The following RALGAPA2 variants were observed in gnomAD, a reference collection of about 807,000 sequenced individuals.
The protein encoded by RALGAPA2 is ral GTPase-activating protein subunit alpha-2.
Under a neutral mutation model 230.4 loss-of-function variants are expected in RALGAPA2, and 139 were observed. The observed-to-expected ratio is 0.60, with a 90% CI of 0.53 to 0.69. The LOEUF (loss-of-function observed/expected upper bound fraction) is 0.69. RALGAPA2 is among the 30% of genes least tolerant of loss of function. The pLI is 0.00. For missense variants in RALGAPA2, 2,163 were observed against 2,276.0 expected (o/e 0.95, Z 1.01); for synonymous variants, 847 against 837.8 (o/e 1.01, Z -0.19).
intron 10 of RALGAPA2, among the ~76,000 whole-genome samples, chr20:20,621,963 A>G (rs2066336948): frequency 6.6e-6 from 1 of 152,222 alleles, no homozygotes; most frequent in Non-Finnish European, 1.5e-5. Context: ...CTTAAGGTTC[A>G]TGCCACAGGA....
rs374215138 is a variant in RALGAPA2 at position 20,620,419 on chromosome 20, A to C, written c.1401+44T>G. ...TTGACTGAGCAAGTATACTTTACTA[A>C]AATATATTTACCCTCAACTCAAAAG... On this transcript the variant is annotated intron_variant, in intron 11 of 39. Coordinates refer to ENST00000202677, the MANE Select transcript of RALGAPA2 (RefSeq NM_020343.4). 282 of 1,587,742 alleles carry C rather than the reference A, an allele frequency of 1.8e-4. 1 individual carries two copies. The South Asian group carries it at 1.8e-3, about 10-fold the overall frequency.
At chr20:20,673,939 C>G (rs1043675239) in intron 3 of RALGAPA2, among the ~76,000 whole-genome samples, 5 of 152,094 alleles carry the variant, frequency 3.3e-5, no homozygotes, top group African/African-American at 9.7e-5. Flanking sequence ...TATAATCCCA[C>G]AACTTCAGGA....
At chr20:20,458,822 C>CTATATATATATAGACCTA (rs2061221116) in intron 37 of RALGAPA2, among the ~76,000 whole-genome samples, 1 of 10,684 alleles carries the variant, frequency 9.4e-5, no homozygotes, top group East Asian at 2.6e-3. Flanking sequence ...ATATATAGAC[C>CTATATATATATAGACCTA]TATATATATA....
intron 10 of RALGAPA2, among the ~76,000 whole-genome samples, chr20:20,627,896 G>C (rs2146402121): frequency 6.6e-6 from 1 of 152,286 alleles, no homozygotes; most frequent in African/African-American, 2.4e-5. Context: ...AGGCAGTAAA[G>C]GCCCCAAGGA....
intron 24 of RALGAPA2, among the ~76,000 whole-genome samples, chr20:20,540,877 T>C (rs1270104490): frequency 6.6e-6 from 1 of 152,008 alleles, no homozygotes; most frequent in Non-Finnish European, 1.5e-5. Context: ...TTAACCTATG[T>C]CTTTGGGGAT....
chr20:20,583,170 T>A lies in RALGAPA2; in HGVS notation c.2587A>T (p.Met863Leu). ...LGCTNEAELS[M>L]GPWQTCEEDP... is the part of the protein sequence containing the mutation. The stretch of plus-strand genomic sequence containing the variant: ...TCCTCACAGGTCTGCCATGGGCCCA[T>A]GGACAGCTCTGCCTCATTGGTACAG... The change falls in exon 20 of 40, where the codon ATG (methionine) becomes TTG (leucine). Residue 863 changes from methionine (M) to leucine (L), a missense_variant. Transcript: ENST00000202677. 6.2e-7 allele frequency: 1 copy of A among 1,613,618 alleles called. No homozygotes were observed. Among genetic ancestry groups the A allele is most frequent in the South Asian group, 1.1e-5 (1 of 91,070 alleles).
chr20:20,514,695 G>C, intron 31 of RALGAPA2, among the ~76,000 whole-genome samples: 1 of 152,174 alleles, frequency 6.6e-6, no homozygotes, highest in Non-Finnish European at 1.5e-5. Context: ...TGGTGAAGTG[G>C]GGTCCTCTCC....
intron 1 of RALGAPA2, among the ~76,000 whole-genome samples, chr20:20,703,035 T>C (rs1468278570): frequency 6.6e-6 from 1 of 152,046 alleles, no homozygotes; most frequent in East Asian, 1.9e-4. Flanking sequence ...TAGCCAGGCA[T>C]GGTGGCACAA....
At chr20:20,462,065 AG>A (rs2061315418) in intron 37 of RALGAPA2, among the ~76,000 whole-genome samples, 1 of 152,238 alleles carries the variant, frequency 6.6e-6, no homozygotes, top group Non-Finnish European at 1.5e-5. Flanking sequence ...AGGACCAAAG[AG>A]GAAGATTGAA....
At chr20:20,439,274 G>A (rs1055435989) in intron 37 of RALGAPA2, among the ~76,000 whole-genome samples, 3 of 151,306 alleles carry the variant, frequency 2.0e-5, no homozygotes, top group African/African-American at 7.3e-5. Flanking sequence ...GTGCAGTGGT[G>A]TGATCTCAAC....
At chr20:20,409,445 G>A (rs771293048) in intron 38 of RALGAPA2, among the ~76,000 whole-genome samples, 2 of 152,178 alleles carry the variant, frequency 1.3e-5, no homozygotes, top group Admixed American at 6.5e-5. Context: ...ACGCATGTGA[G>A]CCCAAGCCCA....
intron 37 of RALGAPA2, among the ~76,000 whole-genome samples, chr20:20,447,202 C>G (rs1025912542): frequency 1.3e-5 from 2 of 152,174 alleles, no homozygotes; most frequent in Admixed American, 1.3e-4. Flanking sequence ...GACTTGGTGG[C>G]AGTATTGAGA....
chr20:20,571,221 T>A lies in RALGAPA2; in HGVS notation c.3156+237A>T, dbSNP rs77558780. ...AGGTTAGATCATAGAGGCCATAGAA[T>A]AAAATTAAAATTTGGTTGGCACAAT... On this transcript the variant is annotated intron_variant, in intron 23 of 39. Coordinates refer to ENST00000202677, the MANE Select transcript of RALGAPA2 (RefSeq NM_020343.4). Among the ~76,000 whole-genome samples, 1,225 of 152,304 alleles carry A rather than the reference T, an allele frequency of 8.0e-3. 18 individuals carry two copies. The highest frequency in any genetic ancestry group is 0.028 in the African/African-American group (1,166 of 41,572).
At position 20,390,773 on chromosome 20, in the gene RALGAPA2, G is replaced by C. The variant is rs567627194; in HGVS notation, c.*2516C>G. On this transcript the variant is annotated 3_prime_UTR_variant, in exon 40 of 40. Transcript: ENST00000202677. The stretch of plus-strand genomic sequence containing the variant: ...ACAACTCCAGTCCACGTGATCACGA[G>C]AAACGTGGCTGTCAGATTCCCTGCT... 5.9e-5 allele frequency: 9 copies of C among 152,186 alleles called. No individual in the cohort carries two copies. In the East Asian group the frequency reaches 1.7e-3, roughly 29 times the overall value. The allele number at this position is 152,186 out of a possible 1,614,324, so 9.4% of individuals were successfully genotyped here.
chr20:20,411,043 A>G (rs913232407), intron 38 of RALGAPA2, among the ~76,000 whole-genome samples: 3 of 152,214 alleles, frequency 2.0e-5, no homozygotes, highest in Non-Finnish European at 4.4e-5. Context: ...ATTTCACTGG[A>G]TTTAATTTTT....
At chr20:20,480,150 T>C (rs538663378) in intron 36 of RALGAPA2, among the ~76,000 whole-genome samples, 167 of 152,354 alleles carry the variant, frequency 1.1e-3, no homozygotes, top group African/African-American at 3.8e-3. Context: ...CTTTCCTTCC[T>C]AGACTGACCT....
chr20:20,534,982 C>A (rs1364691100), intron 26 of RALGAPA2, among the ~76,000 whole-genome samples: 1 of 152,108 alleles, frequency 6.6e-6, no homozygotes, highest in Non-Finnish European at 1.5e-5. Context: ...TTGAACTAAC[C>A]CATCTACTGA....
chr20:20,524,774 T>C, intron 29 of RALGAPA2, 56 bp downstream of exon 29: 1 of 1,422,690 alleles, frequency 7.0e-7, no homozygotes, highest in Non-Finnish European at 9.5e-7. Context: ...TTTATCATTT[T>C]ACCTTACATT....
intron 15 of RALGAPA2, among the ~76,000 whole-genome samples, chr20:20,603,317 T>C (rs1241455516): frequency 2.0e-5 from 3 of 152,232 alleles, no homozygotes; most frequent in Non-Finnish European, 2.9e-5. Context: ...TTTTATTAAT[T>C]AGTGCTTTGG....
Sources: gnomAD v4.1 joint callset for allele counts (sites outside exome capture counted in the v4.1 genomes callset) on GRCh38, gnomAD v4.1.1 for gene constraint, MANE v1.5 for transcripts, NCBI Gene and HGNC (gene_info 2026-07-23, HGNC 2026-07-21) for gene names.